The following ART1 variants were observed in gnomAD, a reference collection of about 807,000 sequenced individuals.
The protein encoded by ART1 is GPI-linked NAD(P)(+)--arginine ADP-ribosyltransferase 1.
ART1 carries 29 observed loss-of-function variants against 27.0 expected under a neutral mutation model. The ratio of observed to expected loss-of-function variants is 1.08; its 90% CI spans 0.80 to 1.47. The LOEUF is 1.47. Ranked by LOEUF, ART1 falls within the 40% of genes most tolerant of loss-of-function variation. ART1 has a pLI of 0.00. For synonymous variants in ART1, 201 were observed against 172.2 expected, an observed-to-expected ratio of 1.17 and a Z score of -1.31; for missense variants, 480 against 423.0, an observed-to-expected ratio of 1.13 and a Z score of -1.18.
chr11:3,663,089 ATCATCTCATCTCATCTCATCTCATC>A (rs58565508), intron 4 of ART1, among the ~76,000 whole-genome samples: 5 of 87,116 alleles, frequency 5.7e-5, no homozygotes, highest in African/African-American at 1.8e-4. Context: ...ATCTCATCTC[ATCATCTCATCTCATCTCATCTCATC>A]TCATCTCATC....
intron 1 of ART1, among the ~76,000 whole-genome samples, chr11:3,656,315 G>T (rs1470457583): frequency 6.6e-6 from 1 of 152,116 alleles, no homozygotes; most frequent in African/African-American, 2.4e-5. Flanking sequence ...CTGCCGAGTT[G>T]TTGGGACTAC....
chr11:3,648,857 C>G (rs1279209006), intron 1 of ART1, among the ~76,000 whole-genome samples: 2 of 151,344 alleles, frequency 1.3e-5, no homozygotes, highest in Non-Finnish European at 1.5e-5. Context: ...GGCAAAAACT[C>G]CTCAACCCCT....
At chr11:3,664,043 C>CT (rs1205578880) in intron 4 of ART1, 49 bp from the exon 5 acceptor site, 9 of 1,593,598 alleles carry the variant, frequency 5.6e-6, no homozygotes, top group Admixed American at 1.7e-5. Flanking sequence ...CTAAATACCT[C>CT]TTTTTTTCTC....
chr11:3,651,765 G>C (rs2077523701), intron 1 of ART1, among the ~76,000 whole-genome samples: 1 of 151,636 alleles, frequency 6.6e-6, no homozygotes, highest in Non-Finnish European at 1.5e-5. Context: ...AATTACCATT[G>C]TTCCTGGCCC....
At position 3,651,552 on chromosome 11, in the gene ART1, C is replaced by T. The variant is rs555620528; in HGVS notation, c.-53+6373C>T. ...TTTCTGTCCAAACAACTTGCCCTTA[C>T]GTTTTAGCCTAGCCCTCATGTCTGC... On this transcript the variant is annotated intron_variant, in intron 1 of 4. Transcript: ENST00000250693. Among the ~76,000 whole-genome samples, 13 of 149,320 alleles carry T rather than the reference C, an allele frequency of 8.7e-5. No homozygotes were observed. The East Asian group carries it at 1.4e-3, about 16-fold the overall frequency.
At chr11:3,657,734 C>T (rs917167347) in intron 1 of ART1, among the ~76,000 whole-genome samples, 38 of 152,320 alleles carry the variant, frequency 2.5e-4, no homozygotes, top group African/African-American at 7.2e-4. Flanking sequence ...TATTCATATT[C>T]TTTAAATCTC....
At chr11:3,661,274 T>C (rs2077618135) in intron 3 of ART1, 98 bp from the exon 4 acceptor site, 1 of 1,142,466 alleles carries the variant, frequency 8.8e-7, no homozygotes, top group Non-Finnish European at 1.2e-6. Context: ...CACCAACTTC[T>C]CCTAGAACAA....
At chr11:3,657,543 C>G (rs2077584395) in intron 1 of ART1, among the ~76,000 whole-genome samples, 1 of 152,102 alleles carries the variant, frequency 6.6e-6, no homozygotes, top group Non-Finnish European at 1.5e-5. Context: ...CCACTGCACT[C>G]CAGCCTGGGC....
chr11:3,649,238 C>A (rs1216032497), intron 1 of ART1, among the ~76,000 whole-genome samples: 1 of 152,188 alleles, frequency 6.6e-6, no homozygotes, highest in Non-Finnish European at 1.5e-5. Context: ...TCAACTCACA[C>A]CTGACCTAAA....
chr11:3,651,578 G>A (rs184032586), intron 1 of ART1, among the ~76,000 whole-genome samples: 4,308 of 150,032 alleles, frequency 0.029, 240 homozygotes, highest in African/African-American at 0.1. Flanking sequence ...TCATGTCTGC[G>A]TGCAGCGGCT....
intron 1 of ART1, among the ~76,000 whole-genome samples, chr11:3,648,771 CT>C (rs146362141): frequency 0.03 from 4,572 of 152,276 alleles, 87 homozygotes; most frequent in Non-Finnish European, 0.043. Flanking sequence ...GCAAGTCCCG[CT>C]TTTCTGGAGG....
intron 1 of ART1, among the ~76,000 whole-genome samples, chr11:3,655,253 A>T (rs1222130697): frequency 6.6e-6 from 1 of 152,230 alleles, no homozygotes; most frequent in East Asian, 1.9e-4. Context: ...GCAGACCCAC[A>T]GACAAGTACA....
At chr11:3,663,840 G>C in intron 4 of ART1, 1 of 419,580 alleles carries the variant, frequency 2.4e-6, no homozygotes. Flanking sequence ...TTTAGCAGTG[G>C]GGGGACTGTA....
intron 1 of ART1, among the ~76,000 whole-genome samples, chr11:3,647,493 G>T (rs2077478441): frequency 6.6e-6 from 1 of 151,646 alleles, no homozygotes; most frequent in Non-Finnish European, 1.5e-5. Context: ...AATTAGCTGG[G>T]CGTGCTTGTG....
chr11:3,658,030 G>C (rs2077587357), intron 1 of ART1, among the ~76,000 whole-genome samples: 1 of 151,900 alleles, frequency 6.6e-6, no homozygotes, highest in African/African-American at 2.4e-5. Context: ...TTTCCTTTCA[G>C]TTCTTAAAAA....
chr11:3,655,160 C>G (rs949109729), intron 1 of ART1, among the ~76,000 whole-genome samples: 3 of 152,190 alleles, frequency 2.0e-5, no homozygotes, highest in African/African-American at 2.4e-5. Context: ...GGGCTCAGGT[C>G]TGTTCCTCAC....
intron 1 of ART1, among the ~76,000 whole-genome samples, chr11:3,653,820 TCA>T (rs2077549430): frequency 7.1e-6 from 1 of 139,966 alleles, no homozygotes; most frequent in Non-Finnish European, 1.6e-5. Flanking sequence ...CATTCTCCCA[TCA>T]GACATCAAGT....
chr11:3,645,835 G>T (rs1021624301), intron 1 of ART1, among the ~76,000 whole-genome samples: 1 of 152,184 alleles, frequency 6.6e-6, no homozygotes, highest in African/African-American at 2.4e-5. Flanking sequence ...TGGCCCTCGG[G>T]TTAAGCCTTG....
At chr11:3,660,486 C>T (rs2077612691) in intron 3 of ART1, 123 bp downstream of exon 3, 18 of 1,134,532 alleles carry the variant, frequency 1.6e-5, no homozygotes, top group Non-Finnish European at 2.2e-5. Context: ...CAAGTCATAT[C>T]CACCAGCTCC....
Sources: allele counts gnomAD v4.1 joint callset (sites outside exome capture counted in the v4.1 genomes callset), GRCh38; gene constraint gnomAD v4.1.1; transcripts MANE v1.5; gene names NCBI Gene and HGNC (gene_info 2026-07-23, HGNC 2026-07-21).